HUWE1: variants seen among roughly 807,000 people sequenced by gnomAD.
HUWE1 encodes E3 ubiquitin-protein ligase HUWE1.
Under a neutral mutation model 299.4 loss-of-function variants are expected in HUWE1, and 18 were observed. The observed-to-expected ratio is 0.06, with a 90% CI of 0.04 to 0.09. HUWE1 has a LOEUF of 0.09. Ranked by LOEUF, HUWE1 falls within the 10% of genes least tolerant of loss-of-function variation. HUWE1 has a pLI of 1.00. For missense variants in HUWE1, 1,832 were observed against 3,462.3 expected (o/e 0.53, Z 11.82); for synonymous variants, 1,317 against 1,286.1 (o/e 1.02, Z -0.51).
chrX:53,593,325 TGA>T lies in HUWE1; in HGVS notation c.3741+37_3741+38del, dbSNP rs781966940. On this transcript the variant is annotated intron_variant, in intron 32 of 83. Coordinates refer to ENST00000262854, the MANE Select transcript of HUWE1 (RefSeq NM_031407.7). ...AAAATAGAGTGGGAACGACTTAGCA[TGA>T]GAAATTCCTTTTGATTTTAGAATAC... 4.1e-6 allele frequency: 4 copies of T among 969,710 alleles called. No individual in the cohort carries two copies. The East Asian group carries it at 9.2e-5, about 22-fold the overall frequency. 79.9% of individuals were successfully genotyped at this position (969,710 alleles called of 1,213,427 possible).
In HUWE1 at chrX:53,631,228, G is replaced by C. The variant is rs2066855337; in HGVS notation, c.762+186C>G. Among the ~76,000 whole-genome samples the C allele has an allele frequency of 2.7e-5, 3 of 111,619 alleles. No individual in the cohort carries two copies. The Admixed American group carries it at 2.9e-4, about 11-fold the overall frequency. ...TTTCCTCAAACTCTCATAAGGCCTAGGAAGTTATTAAGTGTTAACCTCATA... is the reference window on the plus strand; with the variant it reads ...TTTCCTCAAACTCTCATAAGGCCTACGAAGTTATTAAGTGTTAACCTCATA... On this transcript the variant is annotated intron_variant, in intron 11 of 83. Transcript: ENST00000262854.
chrX:53,555,526 C>T (rs1418105044), intron 60 of HUWE1, among the ~76,000 whole-genome samples: 1 of 110,689 alleles, frequency 9.0e-6, no homozygotes, highest in Non-Finnish European at 1.9e-5. Context: ...AGGGTCTTGC[C>T]ATGTTGCCCA....
At chrX:53,595,462 C>A (rs2064405243) in intron 29 of HUWE1, 59 bp from the exon 30 acceptor site, 2 of 889,124 alleles carry the variant, frequency 2.2e-6, no homozygotes, top group Non-Finnish European at 3.2e-6. Flanking sequence ...TTAATTACAA[C>A]AGACATATTA....
chrX:53,681,608 G>A (rs781982193), intron 2 of HUWE1, among the ~76,000 whole-genome samples: 145 of 111,408 alleles, frequency 1.3e-3, no homozygotes, highest in African/African-American at 4.3e-3. Flanking sequence ...TTTCTCTCTC[G>A]GACAGGAATT....
At chrX:53,581,988 C>T (rs2063640828) in intron 42 of HUWE1, among the ~76,000 whole-genome samples, 1 of 111,449 alleles carries the variant, frequency 9.0e-6, no homozygotes, top group Non-Finnish European at 1.9e-5. Context: ...AATTGCCCTC[C>T]CATGTGGCTA....
chrX:53,662,656 G>A (rs1243103247), intron 3 of HUWE1, among the ~76,000 whole-genome samples: 1 of 112,372 alleles, frequency 8.9e-6, no homozygotes, highest in African/African-American at 3.2e-5. Context: ...TTTGTAGAAT[G>A]GAGTTCAGGA....
chrX:53,673,045 G>A (rs1223394815), intron 3 of HUWE1, among the ~76,000 whole-genome samples: 1 of 111,735 alleles, frequency 8.9e-6, no homozygotes, highest in African/African-American at 3.3e-5. Flanking sequence ...ATGAGCAAAC[G>A]AAAAAAAGTT....
At chrX:53,655,418 C>T (rs960520866) in intron 3 of HUWE1, among the ~76,000 whole-genome samples, 3 of 111,943 alleles carry the variant, frequency 2.7e-5, no homozygotes, top group South Asian at 3.8e-4. Flanking sequence ...ATTCAGAATA[C>T]GTTCTAAAAC....
Position 53,535,415 on chromosome X carries a change from A to G in HUWE1, c.12618T>C (p.Tyr4206=). ...ILVTEENKKE[Y]VHLVCQMRMT... Reference sequence around the variant, plus strand: ...TTCTCATCTGGCATACCAGGTGTACATACTCCTTCTTATTCTCCTCTGTTA... The same window carrying G: ...TTCTCATCTGGCATACCAGGTGTACGTACTCCTTCTTATTCTCCTCTGTTA... The change falls in exon 81 of 84, where the codon TAT becomes TAC. Residue 4206 remains tyrosine, a synonymous_variant. Transcript: ENST00000262854. 3 of 1,201,230 alleles carry G rather than the reference A, an allele frequency of 2.5e-6. No individual in the cohort carries two copies. The highest frequency in any genetic ancestry group is 2.3e-6 in the Non-Finnish European group (2 of 886,024).
chrX:53,533,020 G>C lies in HUWE1; in HGVS notation c.*289C>G. ...ATCTGAGGAGCACACTGTTCAAACAGTTGGGACAGACAGGTCCCTGCAAAG... is the reference window on the plus strand; with the variant it reads ...ATCTGAGGAGCACACTGTTCAAACACTTGGGACAGACAGGTCCCTGCAAAG... On this transcript the variant is annotated 3_prime_UTR_variant, in exon 84 of 84. Transcript: ENST00000262854. 1 of 329,721 alleles carries C rather than the reference G, an allele frequency of 3.0e-6. No homozygotes were observed. Among genetic ancestry groups the C allele is most frequent in the Non-Finnish European group, 5.3e-6 (1 of 187,232 alleles). 27.2% of individuals were successfully genotyped at this position (329,721 alleles called of 1,213,427 possible).
At chrX:53,664,286 A>G (rs911608735) in intron 3 of HUWE1, among the ~76,000 whole-genome samples, 2 of 111,790 alleles carry the variant, frequency 1.8e-5, no homozygotes, top group Non-Finnish European at 3.8e-5. Context: ...TCCTGAGTTA[A>G]AACAATCCTC....
intron 6 of HUWE1, among the ~76,000 whole-genome samples, chrX:53,646,701 C>G (rs2068074464): frequency 8.9e-6 from 1 of 111,827 alleles, no homozygotes; most frequent in Non-Finnish European, 1.9e-5. Context: ...TTTTCCTAAG[C>G]CATTTTCTTT....
At chrX:53,672,372 C>A (rs1264654138) in intron 3 of HUWE1, among the ~76,000 whole-genome samples, 4 of 107,994 alleles carry the variant, frequency 3.7e-5, no homozygotes, top group Non-Finnish European at 1.9e-5. Context: ...AAGTGATTCT[C>A]CTGCCTCAGC....
Position 53,547,812 on chromosome X carries a change from G to A in HUWE1, c.10497C>T (p.Ser3499=), listed in dbSNP as rs374436582. Residue 3499 remains serine, a synonymous_variant, in exon 68 of 84, where the codon TCC becomes TCT. Coordinates refer to ENST00000262854, the MANE Select transcript of HUWE1 (RefSeq NM_031407.7). The stretch of plus-strand genomic sequence containing the variant: ...GTGCAGTAGGGGGTGTGGGCGTGGT[G>A]GAGGCGGCAGTGGTGGTGGTGGTAG... ...TTSTTTTTAA[S]TTPTPPTAPT... 5.3e-5 allele frequency: 63 copies of A among 1,196,834 alleles called. No individual in the cohort carries two copies. In the African/African-American group the frequency reaches 9.9e-4, roughly 19 times the overall value.
chrX:53,536,065 C>T (rs1418159607), intron 80 of HUWE1, 82 bp downstream of exon 80: 3 of 598,419 alleles, frequency 5.0e-6, no homozygotes, highest in South Asian at 4.7e-5. Flanking sequence ...GAGAAGGTCA[C>T]GCAGTGCTAG....
At position 53,546,522 on chromosome X, in the gene HUWE1, C is replaced by T; in HGVS notation, c.10829G>A (p.Arg3610Gln). 8.3e-7 allele frequency: 1 copy of T among 1,209,031 alleles called. No homozygotes were observed. Among genetic ancestry groups the T allele is most frequent in the East Asian group, 3.0e-5 (1 of 33,814 alleles). Residue 3610 changes from arginine to glutamine, a missense_variant, in exon 70 of 84, where the codon CGG becomes CAG. By Grantham distance (43) the Arg-to-Gln change is conservative. Around this residue, in one of 15 missense-constraint regions of HUWE1, gnomAD observed 48 missense variants for 87.0 expected, o/e 0.55. Coordinates refer to ENST00000262854, the MANE Select transcript of HUWE1 (RefSeq NM_031407.7). ...AGTGTCCCGGGTCCCAGAGTCCCCC[C>T]GGGAGAGCTGCAGTAGTACGTTGGC... ...DAANVLLQLS[R>Q]GDSGTRDTVL...
chrX:53,622,369 A>G (rs1369082997), intron 19 of HUWE1, among the ~76,000 whole-genome samples: 1 of 111,727 alleles, frequency 9.0e-6, no homozygotes, highest in African/African-American at 3.3e-5. Context: ...ATACAAGCTG[A>G]CCTATGTACT....
chrX:53,533,915 T>C, intron 83 of HUWE1, 92 bp downstream of exon 83: 1 of 884,532 alleles, frequency 1.1e-6, no homozygotes, highest in South Asian at 2.0e-5. Context: ...TCAGCCACAT[T>C]TGTGTTCCCA....
intron 3 of HUWE1, among the ~76,000 whole-genome samples, chrX:53,661,744 G>A (rs1428067627): frequency 1.8e-5 from 2 of 111,627 alleles, no homozygotes; most frequent in African/African-American, 6.5e-5. Context: ...GAAAACAAGT[G>A]AATTACTATG....
Sources: gnomAD v4.1 joint callset for allele counts (sites outside exome capture counted in the v4.1 genomes callset) on GRCh38, gnomAD v4.1.1 for gene constraint, gnomAD v4.1.1 regional missense constraint, MANE v1.5 for transcripts, NCBI Gene and HGNC (gene_info 2026-07-23, HGNC 2026-07-21) for gene names.